STK4: variants seen among roughly 807,000 people sequenced by gnomAD.
STK4 encodes serine/threonine-protein kinase 4.
In STK4, 30 loss-of-function variants were observed where a neutral mutation model predicts 64.9. That is an observed-to-expected ratio of 0.46 (90% CI 0.35 to 0.63). The LOEUF (loss-of-function observed/expected upper bound fraction) is 0.63, where lower values mean the gene tolerates loss of function less well. Ranked by LOEUF, STK4 falls within the 20% of genes least tolerant of loss-of-function variation. STK4 has a pLI of 0.01. For synonymous variants in STK4, 177 were observed against 199.0 expected (o/e 0.89, Z 0.93); for missense variants, 466 against 598.5 (o/e 0.78, Z 2.31).
chr20:45,060,733 T>G (rs552787933), intron 10 of STK4, among the ~76,000 whole-genome samples: 43 of 152,340 alleles, frequency 2.8e-4, no homozygotes, highest in African/African-American at 1.0e-3. Context: ...CTGAGCACAA[T>G]GTCCAGCACA....
rs532490312 is a variant in STK4 at position 45,075,288 on chromosome 20, C to G, written c.*112C>G. 5.8e-6 allele frequency: 8 copies of G among 1,389,858 alleles called. No individual in the cohort carries two copies. In the East Asian group the frequency reaches 1.7e-4, roughly 30 times the overall value. 86.1% of individuals were successfully genotyped at this position (1,389,858 alleles called of 1,614,324 possible). On this transcript the variant is annotated 3_prime_UTR_variant, in exon 11 of 11. Coordinates refer to ENST00000372806, the MANE Select transcript of STK4 (RefSeq NM_006282.5). ...CTGCTCTGTCGTCTCTCCACAGCAC[C>G]TTTGTGAACTCAGGAATGTGCGCCA...
rs1283787262 is a variant in STK4, at chr20:45,079,561, T to C, written c.*4385T>C. On this transcript the variant is annotated 3_prime_UTR_variant, in exon 11 of 11. Transcript: ENST00000372806. The stretch of plus-strand genomic sequence containing the variant: ...GTTTTTATCAGTATTATATTCATTG[T>C]CTTTGGAATACATGTTCTTGTTTGT... The C allele has an allele frequency of 6.5e-6, 1 of 152,672 alleles. No homozygotes were observed. Among genetic ancestry groups the C allele is most frequent in the Non-Finnish European group, 1.5e-5 (1 of 68,054 alleles). The allele number at this position is 152,672 out of a possible 1,614,324, so 9.5% of individuals were successfully genotyped here. A position where few individuals can be genotyped will look rare whatever the true frequency, so the allele number is the denominator to read the frequency against.
intron 9 of STK4, among the ~76,000 whole-genome samples, chr20:45,020,626 T>A (rs1048302012): frequency 6.6e-6 from 1 of 152,096 alleles, no homozygotes; most frequent in Non-Finnish European, 1.5e-5. Context: ...GGCAGTTAGG[T>A]TGGACTCAGG....
chr20:45,034,682 C>T (rs1013027330), intron 10 of STK4, among the ~76,000 whole-genome samples: 22 of 149,340 alleles, frequency 1.5e-4, no homozygotes, highest in African/African-American at 5.1e-4. Context: ...GAGGTTAAGG[C>T]GGGAGGATCA....
At position 44,995,078 on chromosome 20, in the gene STK4, T is replaced by G. The variant is rs2067703610; in HGVS notation, c.526-12T>G. On this transcript the variant is annotated splice_polypyrimidine_tract_variant and intron_variant, in intron 5 of 10. Transcript: ENST00000372806. ...TAAGCTTAGTGTCAGTCTCTCTCCC[T>G]TTCTATTTTAGGATACCATGGCCAA... 1 of 1,575,192 alleles carries G rather than the reference T, an allele frequency of 6.3e-7. No homozygotes were observed. Among genetic ancestry groups the G allele is most frequent in the Non-Finnish European group, 8.6e-7 (1 of 1,158,544 alleles).
Position 45,075,688 on chromosome 20 carries a change from AG to A in STK4, c.*517del. ...GGGCAGAGGACACCGGGAGGCTGTT[AG>A]GGGGTCACTGAATCCCAGGAGCCAA... On this transcript the variant is annotated 3_prime_UTR_variant, in exon 11 of 11. Coordinates refer to ENST00000372806, the MANE Select transcript of STK4 (RefSeq NM_006282.5). The A allele has an allele frequency of 6.5e-6, 1 of 152,844 alleles. No individual in the cohort carries two copies. The allele number at this position is 152,844 out of a possible 1,614,324, so 9.5% of individuals were successfully genotyped here. A position where few individuals can be genotyped will look rare whatever the true frequency, so the allele number is the denominator to read the frequency against.
chr20:45,050,232 T>C (rs1189152928), intron 10 of STK4, among the ~76,000 whole-genome samples: 4 of 152,202 alleles, frequency 2.6e-5, no homozygotes, highest in Non-Finnish European at 5.9e-5. Flanking sequence ...ATGTAATTTT[T>C]ATACTTTGAA....
At chr20:45,012,979 T>TTC (rs2068081158) in intron 9 of STK4, among the ~76,000 whole-genome samples, 1 of 61,586 alleles carries the variant, frequency 1.6e-5, no homozygotes, top group Non-Finnish European at 3.2e-5. Context: ...TTTTTTTTTT[T>TTC]ATAGAGATGG....
chr20:45,027,687 T>C (rs180914094), intron 10 of STK4, among the ~76,000 whole-genome samples: 117 of 152,286 alleles, frequency 7.7e-4, no homozygotes, highest in African/African-American at 2.6e-3. Flanking sequence ...TTTCCTACTG[T>C]ACTATCGAAT....
intron 2 of STK4, among the ~76,000 whole-genome samples, chr20:44,976,919 C>A (rs995701995): frequency 6.6e-6 from 1 of 152,160 alleles, no homozygotes; most frequent in Non-Finnish European, 1.5e-5. Flanking sequence ...GGAAATGGGC[C>A]TTCTTGTGTG....
intron 10 of STK4, among the ~76,000 whole-genome samples, chr20:45,049,138 T>C (rs2068740536): frequency 6.6e-6 from 1 of 152,122 alleles, no homozygotes; most frequent in African/African-American, 2.4e-5. Context: ...GGGTACCCTT[T>C]CATCAAGCAG....
At chr20:45,023,898 T>C (rs925389849) in intron 9 of STK4, among the ~76,000 whole-genome samples, 3 of 137,338 alleles carry the variant, frequency 2.2e-5, no homozygotes, top group Non-Finnish European at 4.7e-5. Context: ...CTAACTTCTT[T>C]TTTTTTTTTT....
chr20:45,004,464 T>G (rs1425238368), intron 9 of STK4: 1 of 148,510 alleles, frequency 6.7e-6, no homozygotes, highest in Non-Finnish European at 1.5e-5. Context: ...AAAATAAAAA[T>G]AAAAAAAAAA....
intron 9 of STK4, among the ~76,000 whole-genome samples, chr20:45,024,440 T>C (rs566660854): frequency 1.1e-3 from 167 of 152,250 alleles, no homozygotes; most frequent in Non-Finnish European, 1.7e-3. Context: ...TAATATTTCA[T>C]AGAGTGGATG....
intron 9 of STK4, among the ~76,000 whole-genome samples, chr20:45,005,616 C>CCA (rs1449285421): frequency 6.8e-6 from 1 of 147,338 alleles, no homozygotes; most frequent in Non-Finnish European, 1.5e-5. Flanking sequence ...CCACTGCACT[C>CCA]CAGCCTGGGC....
rs1000346942 is a variant in STK4 at position 45,079,646 on chromosome 20, C to T, written c.*4470C>T. 5.2e-5 allele frequency: 8 copies of T among 152,452 alleles called. No homozygotes were observed. The highest frequency in any genetic ancestry group is 1.3e-4 in the Admixed American group (2 of 15,254). The allele number at this position is 152,452 out of a possible 1,614,324, so 9.4% of individuals were successfully genotyped here. On this transcript the variant is annotated 3_prime_UTR_variant, in exon 11 of 11. Coordinates refer to ENST00000372806, the MANE Select transcript of STK4 (RefSeq NM_006282.5). ...TCGGACCAACTTGGAAAAAAAAAAGCTTAAATGTTTTTGCTATGTACAGTT... is the reference window on the plus strand; with the variant it reads ...TCGGACCAACTTGGAAAAAAAAAAGTTTAAATGTTTTTGCTATGTACAGTT...
chr20:45,001,209 G>A lies in STK4; in HGVS notation c.1003G>A (p.Gly335Ser). The change falls in exon 9 of 11, where the codon GGT becomes AGT. Residue 335 changes from glycine (G) to serine (S), a missense_variant. By Grantham distance (56) the Gly-to-Ser change is moderately conservative (BLOSUM62 0). Transcript: ENST00000372806. ...MDSGTMVRAV[G>S]DEMGTVRVAS... ...TTCTGGCACGATGGTTCGAGCAGTG[G>A]GTGATGAGATGGGCACTGTCCGAGT... 1 of 1,613,952 alleles carries A rather than the reference G, an allele frequency of 6.2e-7. No homozygotes were observed.
chr20:45,025,944 A>G (rs751443762), intron 10 of STK4, among the ~76,000 whole-genome samples: 2 of 152,204 alleles, frequency 1.3e-5, no homozygotes, highest in African/African-American at 2.4e-5. Context: ...CCATTCTTCC[A>G]TAACTTAATT....
At position 45,013,987 on chromosome 20, in the gene STK4, T is replaced by G. The variant is rs527571342; in HGVS notation, c.1148-10986T>G. Among the ~76,000 whole-genome samples, 411 of 152,262 alleles carry G rather than the reference T, an allele frequency of 2.7e-3. 9 individuals are homozygous for G. In the South Asian group the frequency reaches 0.045, roughly 17 times the overall value. The stretch of plus-strand genomic sequence containing the variant: ...GCATATTTTCTCTTTTATATTAAAT[T>G]ATATATTTTCTCTTTCTTTTATCTT... On this transcript the variant is annotated intron_variant, in intron 9 of 10. Coordinates refer to ENST00000372806, the MANE Select transcript of STK4 (RefSeq NM_006282.5).
Sources: allele counts gnomAD v4.1 joint callset (sites outside exome capture counted in the v4.1 genomes callset), GRCh38; gene constraint gnomAD v4.1.1; transcripts MANE v1.5; gene names NCBI Gene and HGNC (gene_info 2026-07-23, HGNC 2026-07-21).